Variants in SNTG2 observed in about 807,000 individuals in gnomAD.
SNTG2 encodes the protein gamma-2-syntrophin.
In SNTG2, 74 loss-of-function variants were observed where a neutral mutation model predicts 70.9. The ratio of observed to expected loss-of-function variants is 1.04; its 90% CI spans 0.86 to 1.27. The LOEUF (loss-of-function observed/expected upper bound fraction) is 1.27, where lower values mean the gene tolerates loss of function less well. SNTG2 is among the 50% of genes most tolerant of loss of function. The pLI is 0.00. For missense variants in SNTG2, 717 were observed against 690.7 expected (o/e 1.04, Z -0.43); for synonymous variants, 278 against 273.8 (o/e 1.02, Z -0.15).
chr2:1,270,384 C>T (rs1368904194), intron 14 of SNTG2, among the ~76,000 whole-genome samples: 4 of 152,182 alleles, frequency 2.6e-5, no homozygotes, highest in African/African-American at 9.7e-5. Context: ...TTAAGTCAAA[C>T]GCCTAATACT....
intron 16 of SNTG2, among the ~76,000 whole-genome samples, chr2:1,342,285 G>A (rs528665959): frequency 1.4e-4 from 15 of 109,774 alleles, no homozygotes; most frequent in African/African-American, 6.0e-4. Flanking sequence ...TGCTCTGTAG[G>A]ACAGCAGCAG....
At chr2:1,230,778 G>C (rs1328531933) in intron 9 of SNTG2, among the ~76,000 whole-genome samples, 3 of 152,344 alleles carry the variant, frequency 2.0e-5, no homozygotes, top group African/African-American at 7.2e-5. Flanking sequence ...AGTGGCACAA[G>C]CCCCCGCTAC....
At chr2:1,289,688 C>G (rs1482596861) in intron 14 of SNTG2, among the ~76,000 whole-genome samples, 3 of 152,304 alleles carry the variant, frequency 2.0e-5, no homozygotes, top group East Asian at 1.9e-4. Context: ...ATACAGTGCA[C>G]AGTCATTGAG....
chr2:1,243,958 G>A (rs1296941656), intron 11 of SNTG2, among the ~76,000 whole-genome samples: 3 of 152,112 alleles, frequency 2.0e-5, no homozygotes, highest in Admixed American at 6.5e-5. Context: ...CCCTGGAGGC[G>A]GAGGTTGCAG....
At chr2:1,111,925 A>G (rs1310115609) in intron 4 of SNTG2, among the ~76,000 whole-genome samples, 1 of 120,410 alleles carries the variant, frequency 8.3e-6, no homozygotes, top group Non-Finnish European at 1.9e-5. Context: ...GAGTCCTTTG[A>G]GGAGGATCGT....
chr2:1,159,493 T>TA (rs1300893729), intron 6 of SNTG2: 1 of 152,028 alleles, frequency 6.6e-6, no homozygotes, highest in Non-Finnish European at 1.5e-5. Flanking sequence ...TATACTGGTG[T>TA]AAAAAGACAA....
intron 16 of SNTG2, among the ~76,000 whole-genome samples, chr2:1,325,819 T>C (rs1681734087): frequency 2.0e-5 from 3 of 152,252 alleles, no homozygotes; most frequent in Non-Finnish European, 1.5e-5. Flanking sequence ...TCACTGATAA[T>C]ATATACCTAG....
chr2:1,255,885 A>AATATATATATATATATATATAAAT (rs1305282798), intron 12 of SNTG2, among the ~76,000 whole-genome samples: 1 of 90,478 alleles, frequency 1.1e-5, no homozygotes, highest in Non-Finnish European at 2.3e-5. Flanking sequence ...TATATATATA[A>AATATATATATATATATATATAAAT]ATATATATAA....
rs77438090 is a variant in SNTG2 at position 1,297,342 on chromosome 2, C to A, written c.1285-11152C>A. Among the ~76,000 whole-genome samples, 685 of 152,340 alleles carry A rather than the reference C, an allele frequency of 4.5e-3. 6 individuals carry two copies. Among genetic ancestry groups the A allele is most frequent in the African/African-American group, 0.015 (643 of 41,578 alleles). ...TTATTTTCAATGGAGAATGTAAACC[C>A]GTTACTTTGCCATCTGATATTTGGT... On this transcript the variant is annotated intron_variant, in intron 14 of 16. Coordinates refer to ENST00000308624, the MANE Select transcript of SNTG2 (RefSeq NM_018968.4).
chr2:1,089,711 T>C (rs561179089), intron 2 of SNTG2, among the ~76,000 whole-genome samples: 18 of 152,178 alleles, frequency 1.2e-4, no homozygotes, highest in Non-Finnish European at 2.4e-4. Context: ...TATAAAGAAA[T>C]CAAATAGCGC....
At chr2:1,251,401 C>G (rs997489343) in intron 12 of SNTG2, among the ~76,000 whole-genome samples, 14 of 151,946 alleles carry the variant, frequency 9.2e-5, no homozygotes, top group Admixed American at 2.6e-4. Context: ...GCTTAGGAAG[C>G]TCACATAGAC....
At chr2:1,222,321 T>C (rs1311344616) in intron 9 of SNTG2, among the ~76,000 whole-genome samples, 1 of 152,280 alleles carries the variant, frequency 6.6e-6, no homozygotes, top group Non-Finnish European at 1.5e-5. Context: ...TTAAGATCTT[T>C]TCTTCGTATC....
At chr2:1,012,224 G>A (rs1348789007) in intron 1 of SNTG2, among the ~76,000 whole-genome samples, 2 of 152,186 alleles carry the variant, frequency 1.3e-5, no homozygotes, top group Non-Finnish European at 2.9e-5. Flanking sequence ...GTCATGTATG[G>A]GATGCCTACA....
chr2:1,082,889 T>C (rs1418394738), intron 1 of SNTG2, among the ~76,000 whole-genome samples: 6 of 152,212 alleles, frequency 3.9e-5, no homozygotes, highest in African/African-American at 1.4e-4. Context: ...TTATCTTCTT[T>C]GACTAATTAA....
intron 16 of SNTG2, among the ~76,000 whole-genome samples, chr2:1,330,700 A>G (rs1659479935): frequency 6.6e-6 from 1 of 152,222 alleles, no homozygotes; most frequent in Non-Finnish European, 1.5e-5. Context: ...TAAGAATTTC[A>G]AAAGACTTGC....
intron 9 of SNTG2, among the ~76,000 whole-genome samples, chr2:1,217,598 C>T (rs1168404370): frequency 1.3e-5 from 2 of 152,200 alleles, no homozygotes; most frequent in Non-Finnish European, 2.9e-5. Context: ...TCACAGGTAA[C>T]TTAGCATAAC....
At chr2:1,118,218 C>T (rs1329520646) in intron 4 of SNTG2, among the ~76,000 whole-genome samples, 5 of 152,176 alleles carry the variant, frequency 3.3e-5, no homozygotes, top group East Asian at 1.9e-4. Context: ...CCCTGGATCT[C>T]AGTGCCACTG....
At chr2:959,548 T>C (rs1660282715) in intron 1 of SNTG2, among the ~76,000 whole-genome samples, 2 of 151,936 alleles carry the variant, frequency 1.3e-5, no homozygotes, top group African/African-American at 2.4e-5. Flanking sequence ...GGTCGCCTGG[T>C]GCAGGGGGCT....
At chr2:1,168,595 C>T (rs963280587) in intron 7 of SNTG2, among the ~76,000 whole-genome samples, 13 of 152,352 alleles carry the variant, frequency 8.5e-5, no homozygotes, top group Non-Finnish European at 1.6e-4. Context: ...CTGCTTTCAT[C>T]TTCCTGAGCA....
Sources: allele counts gnomAD v4.1 joint callset (sites outside exome capture counted in the v4.1 genomes callset), GRCh38; gene constraint gnomAD v4.1.1; transcripts MANE v1.5; gene names NCBI Gene and HGNC (gene_info 2026-07-23, HGNC 2026-07-21).